EYS: variants seen among roughly 807,000 people sequenced by gnomAD.
The protein encoded by EYS is EGF-like photoreceptor maintenance factor, also known as protein eyes shut homolog.
EYS carries 250 observed loss-of-function variants against 282.1 expected under a neutral mutation model. The ratio of observed to expected loss-of-function variants is 0.89; its 90% CI spans 0.80 to 0.98. The LOEUF (loss-of-function observed/expected upper bound fraction) is 0.98, where lower values mean the gene tolerates loss of function less well. Among genes scored for constraint, EYS ranks in the 50% least tolerant of loss-of-function variants. EYS has a pLI of 0.00. For missense variants in EYS, 4,016 were observed against 3,709.0 expected (o/e 1.08, Z -2.15); for synonymous variants, 1,355 against 1,282.9 (o/e 1.06, Z -1.20).
intron 41 of EYS, among the ~76,000 whole-genome samples, chr6:63,728,535 A>G (rs1768699861): frequency 1.3e-5 from 2 of 152,200 alleles, no homozygotes; most frequent in Admixed American, 6.6e-5. Context: ...AGTATTGCCC[A>G]CTAGAGTACA....
At chr6:65,554,134 G>A (rs901300468) in intron 2 of EYS, among the ~76,000 whole-genome samples, 3 of 152,070 alleles carry the variant, frequency 2.0e-5, no homozygotes, top group Non-Finnish European at 4.4e-5. Context: ...GGATCCTATC[G>A]TCCTGTCACT....
chr6:63,839,376 C>T (rs1715085539), intron 36 of EYS, among the ~76,000 whole-genome samples: 2 of 152,254 alleles, frequency 1.3e-5, no homozygotes, highest in East Asian at 1.9e-4. Context: ...ATCTATGTTG[C>T]TGCAAATGAC....
chr6:65,297,597 A>T (rs1209089144), intron 11 of EYS, among the ~76,000 whole-genome samples: 1 of 151,962 alleles, frequency 6.6e-6, no homozygotes, highest in Admixed American at 6.6e-5. Flanking sequence ...TGTATTAAAT[A>T]AATATATTTG....
At chr6:64,257,696 C>A (rs1032657316) in intron 30 of EYS, among the ~76,000 whole-genome samples, 20 of 151,956 alleles carry the variant, frequency 1.3e-4, no homozygotes, top group Middle Eastern at 6.8e-3. Flanking sequence ...CAAGAAGTGA[C>A]ATGTAATTTA....
chr6:65,608,832 A>C (rs10447316), intron 2 of EYS, among the ~76,000 whole-genome samples: 54,171 of 151,792 alleles, frequency 0.36, 12,074 homozygotes, highest in Non-Finnish European at 0.49. Flanking sequence ...TATGCCTACA[A>C]AGTGTCAAGA....
intron 22 of EYS, among the ~76,000 whole-genome samples, chr6:64,809,392 C>T (rs1367500620): frequency 2.0e-5 from 3 of 151,594 alleles, no homozygotes; most frequent in Admixed American, 6.6e-5. Context: ...AACTAAGGCA[C>T]ATTGAAAAGT....
chr6:65,444,438 G>GTTTA (rs1768572316), intron 5 of EYS, among the ~76,000 whole-genome samples: 1 of 151,976 alleles, frequency 6.6e-6, no homozygotes, highest in Admixed American at 6.6e-5. Flanking sequence ...AACAAGTGGT[G>GTTTA]CTTACTTTGC....
At chr6:65,384,180 C>T (rs1765717644) in intron 8 of EYS, among the ~76,000 whole-genome samples, 1 of 151,698 alleles carries the variant, frequency 6.6e-6, no homozygotes, top group Non-Finnish European at 1.5e-5. Context: ...ATAAAAACAC[C>T]TCCTAGAACA....
chr6:64,754,244 G>C (rs1338034508), intron 22 of EYS, among the ~76,000 whole-genome samples: 1 of 151,952 alleles, frequency 6.6e-6, no homozygotes, highest in Admixed American at 6.6e-5. Context: ...AAAATCTAAA[G>C]AAAATGAATA....
At chr6:65,553,054 T>C (rs1258077786) in intron 2 of EYS, among the ~76,000 whole-genome samples, 1 of 152,212 alleles carries the variant, frequency 6.6e-6, no homozygotes, top group East Asian at 1.9e-4. Context: ...TGAATTTATA[T>C]GATGCAAGTG....
chr6:64,725,164 T>C (rs1012473415), intron 22 of EYS, among the ~76,000 whole-genome samples: 1 of 152,202 alleles, frequency 6.6e-6, no homozygotes, highest in Non-Finnish European at 1.5e-5. Context: ...ATATAGATGT[T>C]GCTTGTAATA....
intron 12 of EYS, among the ~76,000 whole-genome samples, chr6:65,172,256 T>A (rs1765122288): frequency 6.6e-6 from 1 of 151,550 alleles, no homozygotes; most frequent in South Asian, 2.1e-4. Flanking sequence ...ACAGAAAATC[T>A]TTGTCTAGCC....
chr6:64,972,063 G>A (rs1449538959), intron 14 of EYS, among the ~76,000 whole-genome samples: 1 of 152,060 alleles, frequency 6.6e-6, no homozygotes, highest in Non-Finnish European at 1.5e-5. Context: ...ATGTATCTTG[G>A]AGAAATTCAA....
intron 14 of EYS, among the ~76,000 whole-genome samples, chr6:64,977,118 C>A (rs1226487819): frequency 6.6e-6 from 1 of 151,854 alleles, no homozygotes; most frequent in Non-Finnish European, 1.5e-5. Context: ...GTCTTGAACT[C>A]CTGATCTCAA....
At chr6:64,482,139 A>G (rs1389237672) in intron 26 of EYS, among the ~76,000 whole-genome samples, 1 of 151,672 alleles carries the variant, frequency 6.6e-6, no homozygotes, top group African/African-American at 2.4e-5. Flanking sequence ...CTCTTACTCA[A>G]TGAAACAAAA....
At chr6:63,782,264 T>C (rs537376512) in intron 39 of EYS, among the ~76,000 whole-genome samples, 85 of 152,322 alleles carry the variant, frequency 5.6e-4, no homozygotes, top group Non-Finnish European at 1.0e-3. Flanking sequence ...GCTGCCCTCA[T>C]AAAATGAATT....
chr6:64,989,582 TA>T (rs1379502873), intron 14 of EYS, among the ~76,000 whole-genome samples: 1 of 140,134 alleles, frequency 7.1e-6, no homozygotes, highest in Non-Finnish European at 1.5e-5. Context: ...ATGTAATGTA[TA>T]AAAATTATAT....
intron 19 of EYS, among the ~76,000 whole-genome samples, chr6:64,851,149 G>A (rs898518420): frequency 2.0e-5 from 3 of 152,028 alleles, no homozygotes; most frequent in African/African-American, 4.8e-5. Context: ...ATGAAATGGA[G>A]CTGCCACCAT....
intron 26 of EYS, among the ~76,000 whole-genome samples, chr6:64,580,940 TG>T (rs1766040210): frequency 6.7e-6 from 1 of 149,952 alleles, no homozygotes; most frequent in African/African-American, 2.4e-5. Flanking sequence ...ATATGAGAGA[TG>T]AATCAGGGAA....
Sources: allele counts gnomAD v4.1 joint callset (sites outside exome capture counted in the v4.1 genomes callset), GRCh38; gene constraint gnomAD v4.1.1; transcripts MANE v1.5; gene names NCBI Gene and HGNC (gene_info 2026-07-23, HGNC 2026-07-21).